GCLC: variants seen among roughly 807,000 people sequenced by gnomAD.
GCLC encodes the protein glutamate--cysteine ligase catalytic subunit.
GCLC carries 30 observed loss-of-function variants against 81.5 expected under a neutral mutation model. The ratio of observed to expected loss-of-function variants is 0.37; its 90% CI spans 0.28 to 0.50. GCLC has a LOEUF of 0.50. GCLC is among the 20% of genes least tolerant of loss of function. GCLC has a pLI of 0.96. For missense variants in GCLC, 556 were observed against 777.4 expected (o/e 0.72, Z 3.39); for synonymous variants, 262 against 273.3 (o/e 0.96, Z 0.41).
Position 53,505,142 on chromosome 6 carries a change from A to C in GCLC, c.1395+250T>G. The C allele has an allele frequency of 1.5e-5, 7 of 452,686 alleles. No individual in the cohort carries two copies. In the South Asian group the frequency reaches 1.6e-4, roughly 11 times the overall value. 28.0% of individuals were successfully genotyped at this position (452,686 alleles called of 1,614,324 possible). On this transcript the variant is annotated intron_variant, in intron 12 of 15. Transcript: ENST00000650454. Reference sequence around the variant, plus strand: ...CCCATCCTAATTTAACATTGTAATCAACCTGGGATTTTGTGGTGGATGAAA... The same window carrying C: ...CCCATCCTAATTTAACATTGTAATCCACCTGGGATTTTGTGGTGGATGAAA...
At chr6:53,504,221 C>CTT (rs3063831) in intron 12 of GCLC, among the ~76,000 whole-genome samples, 29 of 149,902 alleles carry the variant, frequency 1.9e-4, no homozygotes, top group Admixed American at 6.6e-5. Flanking sequence ...TTTCCAGTTG[C>CTT]TTTTTTTTTT....
At chr6:53,541,275 C>T (rs978547771) in intron 1 of GCLC, among the ~76,000 whole-genome samples, 1 of 152,112 alleles carries the variant, frequency 6.6e-6, no homozygotes, top group Non-Finnish European at 1.5e-5. Flanking sequence ...GTATCTGCAT[C>T]CCAGATCAAG....
Position 53,506,890 on chromosome 6 carries a change from T to C in GCLC, c.1197+23A>G. 1 of 1,213,626 alleles carries C rather than the reference T, an allele frequency of 8.2e-7. No individual in the cohort carries two copies. The highest frequency in any genetic ancestry group is 1.2e-6 in the Non-Finnish European group (1 of 816,508). The allele number at this position is 1,213,626 out of a possible 1,614,324, so 75.2% of individuals were successfully genotyped here. ...TCTCAGAAGTCAATACATAAATAAATAAAAATAAAACTGAGAAGATACCTC... is the reference window on the plus strand; with the variant it reads ...TCTCAGAAGTCAATACATAAATAAACAAAAATAAAACTGAGAAGATACCTC... On this transcript the variant is annotated intron_variant, in intron 10 of 15. Coordinates refer to ENST00000650454, the MANE Select transcript of GCLC (RefSeq NM_001498.4). The surrounding 1 kb of genome is among the most constrained non-coding windows in gnomAD (Gnocchi z 4.0).
At chr6:53,519,942 GAC>G (rs76146499) in intron 3 of GCLC, among the ~76,000 whole-genome samples, 183 of 152,042 alleles carry the variant, frequency 1.2e-3, no homozygotes, top group Non-Finnish European at 2.2e-3. Context: ...ATGGCTGACG[GAC>G]ACGTATCAGA....
intron 3 of GCLC, among the ~76,000 whole-genome samples, chr6:53,520,096 AAT>A (rs1762961897): frequency 6.6e-6 from 1 of 152,220 alleles, no homozygotes; most frequent in Admixed American, 6.5e-5. Flanking sequence ...TTTTGGCAGA[AAT>A]GTATTTTTAC....
At chr6:53,504,640 G>A (rs12110919) in intron 12 of GCLC, among the ~76,000 whole-genome samples, 2,486 of 152,270 alleles carry the variant, frequency 0.016, 65 homozygotes, top group African/African-American at 0.056. Flanking sequence ...ATTTCCTTCA[G>A]GGGGTGTGGG....
At chr6:53,525,981 T>C (rs1009944626) in intron 1 of GCLC, among the ~76,000 whole-genome samples, 2 of 152,232 alleles carry the variant, frequency 1.3e-5, no homozygotes, top group African/African-American at 4.8e-5. Context: ...TAAAATCTCT[T>C]AGACTTCTAG....
chr6:53,498,266 T>A lies in GCLC; in HGVS notation c.*490A>T, dbSNP rs997518472. Reference sequence around the variant, plus strand: ...AAACCCAAGATTACCCTTGAAGCACTTTCAATGGATTCAAGTGATTTAATG... The same window carrying A: ...AAACCCAAGATTACCCTTGAAGCACATTCAATGGATTCAAGTGATTTAATG... On this transcript the variant is annotated 3_prime_UTR_variant, in exon 16 of 16. Transcript: ENST00000650454. 1 of 161,990 alleles carries A rather than the reference T, an allele frequency of 6.2e-6. No homozygotes were observed. The highest frequency in any genetic ancestry group is 1.4e-5 in the Non-Finnish European group (1 of 73,764). The allele number at this position is 161,990 out of a possible 1,614,324, so 10.0% of individuals were successfully genotyped here.
Position 53,500,084 on chromosome 6 carries a change from T to C in GCLC, c.1663A>G (p.Ile555Val), listed in dbSNP as rs989641392. The part of the protein sequence containing the change: ...MEVDVDTRCS[I>V]LNYLKLIKKR... The stretch of plus-strand genomic sequence containing the variant: ...TTAATTAGCTTTAGGTAGTTCAGAA[T>C]ACTACATCTGGTGTCCACATCCACT... Residue 555 changes from isoleucine to valine, a missense_variant, in exon 15 of 16, where the codon ATT becomes GTT. Coordinates refer to ENST00000650454, the MANE Select transcript of GCLC (RefSeq NM_001498.4). 6.2e-7 allele frequency: 1 copy of C among 1,608,318 alleles called. No individual in the cohort carries two copies.
intron 1 of GCLC, among the ~76,000 whole-genome samples, chr6:53,543,779 T>G (rs894547367): frequency 2.6e-5 from 4 of 152,200 alleles, no homozygotes; most frequent in African/African-American, 9.6e-5. Context: ...CTAGAGACAT[T>G]TCATCTCTAG....
intron 6 of GCLC, chr6:53,513,386 A>C (rs551747587): frequency 6.6e-6 from 1 of 152,378 alleles, no homozygotes; most frequent in South Asian, 2.1e-4. Flanking sequence ...ATTAAATAAC[A>C]AGCAGCCTCT....
rs138450155 is a variant in GCLC, at chr6:53,503,502, A to G, written c.1395+1890T>C. 2.7e-4 allele frequency among the ~76,000 whole-genome samples: 41 copies of G among 152,326 alleles called. No individual in the cohort carries two copies. In the East Asian group the frequency reaches 7.3e-3, roughly 27 times the overall value. ...TTTAAAGAATAATTTGGCTGAGAAG[A>G]TAATTCTGTGGTTGTTAATTCTTTA... is the stretch of plus-strand genomic sequence containing the variant. On this transcript the variant is annotated intron_variant, in intron 12 of 15. Transcript: ENST00000650454.
At chr6:53,526,271 C>T (rs1173476418) in intron 1 of GCLC, among the ~76,000 whole-genome samples, 2 of 152,006 alleles carry the variant, frequency 1.3e-5, no homozygotes, top group Non-Finnish European at 2.9e-5. Flanking sequence ...TGAAATTAGG[C>T]CAACAAAAAC....
chr6:53,502,058 C>T (rs1764522970), intron 12 of GCLC, among the ~76,000 whole-genome samples: 1 of 152,180 alleles, frequency 6.6e-6, no homozygotes, highest in South Asian at 2.1e-4. Flanking sequence ...TGTTAAATTT[C>T]TCCAGAGTAT....
chr6:53,520,092 C>A (rs1232788914), intron 3 of GCLC, among the ~76,000 whole-genome samples: 1 of 152,250 alleles, frequency 6.6e-6, no homozygotes, highest in East Asian at 1.9e-4. Flanking sequence ...CATGTTTTGG[C>A]AGAAATGTAT....
chr6:53,515,577 C>T (rs1022138246), intron 4 of GCLC, among the ~76,000 whole-genome samples: 4 of 152,212 alleles, frequency 2.6e-5, no homozygotes, highest in Non-Finnish European at 4.4e-5. Context: ...ATGCATTGTA[C>T]AAAGCTAAGA....
chr6:53,525,809 A>G (rs940734338), intron 1 of GCLC, among the ~76,000 whole-genome samples: 1 of 152,220 alleles, frequency 6.6e-6, no homozygotes, highest in Non-Finnish European at 1.5e-5. Flanking sequence ...TATTCTCTGC[A>G]ATACACAGGT....
intron 1 of GCLC, among the ~76,000 whole-genome samples, chr6:53,534,649 T>C (rs116360522): frequency 0.021 from 3,242 of 151,936 alleles, 120 homozygotes; most frequent in African/African-American, 0.075. Context: ...GGCAGGAAGG[T>C]GAAGAAGAGC....
intron 1 of GCLC, among the ~76,000 whole-genome samples, chr6:53,538,902 G>A (rs998064116): frequency 6.6e-6 from 1 of 152,158 alleles, no homozygotes; most frequent in East Asian, 1.9e-4. Context: ...TTTGAAATCT[G>A]TAAAAAGAAA....
Sources: allele counts gnomAD v4.1 joint callset (sites outside exome capture counted in the v4.1 genomes callset), GRCh38; gene constraint gnomAD v4.1.1; non-coding constraint Gnocchi (gnomAD v3.1); transcripts MANE v1.5; gene names NCBI Gene and HGNC (gene_info 2026-07-23, HGNC 2026-07-21).